The following ARHGAP24 variants were observed in gnomAD, a reference collection of about 807,000 sequenced individuals.
ARHGAP24 encodes the protein Rho GTPase activating protein 24, also known as rho GTPase-activating protein 24.
A neutral mutation model predicts 76.4 loss-of-function variants in ARHGAP24; 50 were observed. The ratio of observed to expected loss-of-function variants is 0.65; its 90% CI spans 0.52 to 0.83. ARHGAP24 has a LOEUF of 0.83. ARHGAP24 is among the 40% of genes least tolerant of loss of function. The probability of loss-of-function intolerance (pLI) is 0.00; values close to 1 mark genes in which losing one functional copy is unlikely to be tolerated. For missense variants in ARHGAP24, 930 were observed against 914.2 expected, an observed-to-expected ratio of 1.02 and a Z score of -0.22; for synonymous variants, 345 against 323.3, an observed-to-expected ratio of 1.07 and a Z score of -0.72.
At chr4:85,732,605 T>C (rs911847049) in intron 3 of ARHGAP24, among the ~76,000 whole-genome samples, 4 of 152,208 alleles carry the variant, frequency 2.6e-5, no homozygotes, top group Admixed American at 1.3e-4. Flanking sequence ...CTTATCTTTA[T>C]TTGCCTATTC....
At chr4:85,565,847 A>G (rs1052101901) in intron 1 of ARHGAP24, among the ~76,000 whole-genome samples, 2 of 152,196 alleles carry the variant, frequency 1.3e-5, no homozygotes, top group African/African-American at 4.8e-5. Flanking sequence ...TCACACATCT[A>G]AATATCTATG....
chr4:85,799,547 CA>C (rs1728497186), intron 3 of ARHGAP24, among the ~76,000 whole-genome samples: 1 of 151,970 alleles, frequency 6.6e-6, no homozygotes, highest in Non-Finnish European at 1.5e-5. Flanking sequence ...TTCCAAATCA[CA>C]AATATCCAAA....
In ARHGAP24 at chr4:85,781,758, G is replaced by C. The variant is rs1012679602; in HGVS notation, c.268+59786G>C. On this transcript the variant is annotated intron_variant, in intron 3 of 9. Coordinates refer to ENST00000395184, the MANE Select transcript of ARHGAP24 (RefSeq NM_001025616.3). ...TGTCTAAAACAATTCTCTAGGCCAG[G>C]CATGGTGATTCACACCTGTAATCCC... Among the ~76,000 whole-genome samples, 7 of 152,054 alleles carry C rather than the reference G, an allele frequency of 4.6e-5. No homozygotes were observed. In the East Asian group the frequency reaches 9.6e-4, roughly 21 times the overall value.
At chr4:85,977,856 C>G (rs541206833) in intron 8 of ARHGAP24, among the ~76,000 whole-genome samples, 165 bp downstream of exon 8, 1 of 152,250 alleles carries the variant, frequency 6.6e-6, no homozygotes, top group Non-Finnish European at 1.5e-5. Flanking sequence ...TTTTGAAAGT[C>G]AGATATTTTT....
intron 2 of ARHGAP24, among the ~76,000 whole-genome samples, chr4:85,588,495 G>A (rs1727955650): frequency 6.6e-6 from 1 of 152,056 alleles, no homozygotes; most frequent in South Asian, 2.1e-4. Flanking sequence ...ATGTAAGGTC[G>A]CTATTAGCTC....
chr4:85,805,336 G>C (rs997988867), intron 3 of ARHGAP24, among the ~76,000 whole-genome samples: 2 of 152,094 alleles, frequency 1.3e-5, no homozygotes, highest in African/African-American at 4.8e-5. Flanking sequence ...AGTCAATGTG[G>C]GTGAAAATGA....
At chr4:85,534,997 T>C (rs1237518148) in intron 1 of ARHGAP24, among the ~76,000 whole-genome samples, 1 of 151,934 alleles carries the variant, frequency 6.6e-6, no homozygotes, top group Admixed American at 6.6e-5. Flanking sequence ...GCTGTGTATT[T>C]AATTAAGTGG....
chr4:85,685,768 C>T (rs1723400034), intron 2 of ARHGAP24, among the ~76,000 whole-genome samples: 2 of 152,152 alleles, frequency 1.3e-5, no homozygotes, highest in Non-Finnish European at 2.9e-5. Context: ...TGTTTCTGTT[C>T]CGTATCAGTG....
chr4:85,515,756 A>G (rs557633054), intron 1 of ARHGAP24, among the ~76,000 whole-genome samples: 1 of 152,242 alleles, frequency 6.6e-6, no homozygotes, highest in South Asian at 2.1e-4. Flanking sequence ...TTAATCATGA[A>G]CATATGTTGT....
chr4:85,686,350 G>A (rs1206031087), intron 2 of ARHGAP24, among the ~76,000 whole-genome samples: 7 of 152,170 alleles, frequency 4.6e-5, no homozygotes, highest in African/African-American at 1.4e-4. Flanking sequence ...AGTTTAGAAT[G>A]TAAAAGCTTA....
chr4:85,483,258 C>T (rs1005073282), intron 1 of ARHGAP24, among the ~76,000 whole-genome samples: 2 of 151,994 alleles, frequency 1.3e-5, no homozygotes, highest in Non-Finnish European at 2.9e-5. Flanking sequence ...AAATTACTGG[C>T]TTATGACCAA....
intron 2 of ARHGAP24, among the ~76,000 whole-genome samples, chr4:85,712,286 C>T (rs1724558207): frequency 6.6e-6 from 1 of 152,026 alleles, no homozygotes; most frequent in Admixed American, 6.6e-5. Flanking sequence ...TCTCAGAATG[C>T]CTTGCACACC....
At chr4:85,768,001 T>C (rs1726991981) in intron 3 of ARHGAP24, among the ~76,000 whole-genome samples, 1 of 152,158 alleles carries the variant, frequency 6.6e-6, no homozygotes, top group Non-Finnish European at 1.5e-5. Context: ...TAAACAGTGT[T>C]TTACCAAGGT....
intron 3 of ARHGAP24, among the ~76,000 whole-genome samples, chr4:85,868,985 C>T (rs964569187): frequency 1.3e-4 from 19 of 151,838 alleles, no homozygotes; most frequent in African/African-American, 4.4e-4. Context: ...ATATATCTAT[C>T]ATACTTGTAT....
intron 3 of ARHGAP24, among the ~76,000 whole-genome samples, chr4:85,883,237 A>G (rs1191758840): frequency 6.6e-6 from 1 of 152,196 alleles, no homozygotes; most frequent in African/African-American, 2.4e-5. Flanking sequence ...CAAAAGATGG[A>G]AGGGACACCT....
At chr4:85,614,525 A>G (rs2109998631) in intron 2 of ARHGAP24, among the ~76,000 whole-genome samples, 1 of 152,268 alleles carries the variant, frequency 6.6e-6, no homozygotes, top group South Asian at 2.1e-4. Context: ...TAAGCTTTAC[A>G]TTTGTTGACT....
chr4:85,930,263 T>A (rs544243285), intron 4 of ARHGAP24: 103 of 985,476 alleles, frequency 1.0e-4, no homozygotes, highest in Admixed American at 1.8e-4. Context: ...TCTGACGTTG[T>A]GATTCTCTCG....
intron 2 of ARHGAP24, among the ~76,000 whole-genome samples, chr4:85,627,411 G>A (rs1038497485): frequency 2.0e-5 from 3 of 152,124 alleles, no homozygotes; most frequent in Non-Finnish European, 1.5e-5. Context: ...CTCAAATGCT[G>A]TTGCCTGATC....
intron 2 of ARHGAP24, among the ~76,000 whole-genome samples, chr4:85,637,556 CT>C (rs1003109629): frequency 1.3e-5 from 2 of 151,984 alleles, no homozygotes; most frequent in Non-Finnish European, 2.9e-5. Context: ...TAACTGAGCA[CT>C]TGAAATGTGT....
Sources: allele counts gnomAD v4.1 joint callset (sites outside exome capture counted in the v4.1 genomes callset), GRCh38; gene constraint gnomAD v4.1.1; transcripts MANE v1.5; gene names NCBI Gene and HGNC (gene_info 2026-07-23, HGNC 2026-07-21).